Variants in TCEA3 observed in about 807,000 individuals in gnomAD.
The protein encoded by TCEA3 is transcription elongation factor A3.
Under a neutral mutation model 44.0 loss-of-function variants are expected in TCEA3, and 36 were observed. That is an observed-to-expected ratio of 0.82 (90% confidence interval 0.63 to 1.08). The LOEUF (loss-of-function observed/expected upper bound fraction) is 1.08. TCEA3 is among the 50% of genes least tolerant of loss of function. The pLI is 0.00. For missense variants in TCEA3, 392 were observed against 441.2 expected, an observed-to-expected ratio of 0.89 and a Z score of 1.00; for synonymous variants, 162 against 159.7, an observed-to-expected ratio of 1.01 and a Z score of -0.11.
chr1:23,416,163 C>A lies in TCEA3; in HGVS notation c.380+1086G>T, dbSNP rs539024441. On this transcript the variant is annotated intron_variant, in intron 4 of 10. Transcript: ENST00000450454. ...CTGGGATTACAGGCATGTGCCACCA[C>A]ACCCAGCTAATTTTGTATTTTTAGT... 2.0e-3 allele frequency among the ~76,000 whole-genome samples: 311 copies of A among 152,002 alleles called. 5 individuals are homozygous for A. The highest frequency in any genetic ancestry group is 7.3e-3 in the African/African-American group (304 of 41,458).
At chr1:23,388,645 C>G (rs1349251171) in intron 8 of TCEA3, among the ~76,000 whole-genome samples, 1 of 152,098 alleles carries the variant, frequency 6.6e-6, no homozygotes, top group Non-Finnish European at 1.5e-5. Context: ...ATCTGAATTG[C>G]TAAGGGCAGG....
intron 8 of TCEA3, among the ~76,000 whole-genome samples, chr1:23,389,846 C>T (rs1638968213): frequency 6.6e-6 from 1 of 152,066 alleles, no homozygotes; most frequent in Non-Finnish European, 1.5e-5. Flanking sequence ...TAACTGAACG[C>T]AGAGTTGGGA....
At chr1:23,411,284 G>T (rs971829634) in intron 4 of TCEA3, among the ~76,000 whole-genome samples, 18 of 152,168 alleles carry the variant, frequency 1.2e-4, no homozygotes, top group Non-Finnish European at 2.5e-4. Context: ...AGCCTCCCGA[G>T]TAGCTGGGAT....
chr1:23,402,444 G>T (rs1470355403), intron 5 of TCEA3, among the ~76,000 whole-genome samples: 1 of 152,122 alleles, frequency 6.6e-6, no homozygotes, highest in Non-Finnish European at 1.5e-5. Context: ...CATGCTCTCC[G>T]CATGGTTTAC....
intron 5 of TCEA3, among the ~76,000 whole-genome samples, chr1:23,406,653 T>G (rs79950750): frequency 0.019 from 2,821 of 152,268 alleles, 100 homozygotes; most frequent in African/African-American, 0.065. Context: ...GTGTTGTGTT[T>G]TGTTTTGTTT....
At chr1:23,417,655 T>C (rs1206634555) in intron 3 of TCEA3, among the ~76,000 whole-genome samples, 2 of 152,238 alleles carry the variant, frequency 1.3e-5, no homozygotes, top group African/African-American at 4.8e-5. Flanking sequence ...ATGTACTATA[T>C]AGACAAATGC....
intron 8 of TCEA3, among the ~76,000 whole-genome samples, chr1:23,390,337 C>A (rs1053113281): frequency 6.6e-6 from 1 of 152,110 alleles, no homozygotes; most frequent in East Asian, 1.9e-4. Context: ...GGCATGGTTA[C>A]ATGGTTACAG....
chr1:23,418,471 C>A (rs758287689), intron 2 of TCEA3, among the ~76,000 whole-genome samples: 6 of 152,134 alleles, frequency 3.9e-5, no homozygotes, highest in Non-Finnish European at 8.8e-5. Flanking sequence ...ATCATCGTGC[C>A]CAGCTAATTT....
chr1:23,418,552 T>C (rs574131619), intron 2 of TCEA3, among the ~76,000 whole-genome samples: 4 of 152,142 alleles, frequency 2.6e-5, no homozygotes, highest in Non-Finnish European at 5.9e-5. Flanking sequence ...CCTCAGGTGA[T>C]CTGCCTGCCT....
At chr1:23,410,052 T>C (rs755610609) in intron 4 of TCEA3, among the ~76,000 whole-genome samples, 4 of 152,022 alleles carry the variant, frequency 2.6e-5, no homozygotes, top group Non-Finnish European at 4.4e-5. Context: ...GAGGGAGTTC[T>C]TCCCCACAGC....
At chr1:23,419,688 T>C (rs1234409998) in intron 1 of TCEA3, among the ~76,000 whole-genome samples, 1 of 151,878 alleles carries the variant, frequency 6.6e-6, no homozygotes, top group Non-Finnish European at 1.5e-5. Context: ...ATACAAAAAT[T>C]AGCCAGGCGT....
intron 5 of TCEA3, among the ~76,000 whole-genome samples, chr1:23,399,144 G>GTATATATATATATATATATATATA (rs60424866): frequency 1.6e-5 from 1 of 61,162 alleles, no homozygotes; most frequent in Non-Finnish European, 3.1e-5. Context: ...ATGTATATAT[G>GTATATATATATATATATATATATA]TATATATATA....
chr1:23,383,137 G>A (rs535755633), intron 10 of TCEA3, among the ~76,000 whole-genome samples: 7 of 152,166 alleles, frequency 4.6e-5, no homozygotes, highest in Admixed American at 2.6e-4. Flanking sequence ...AAAATTAGCC[G>A]GGTGTGGTGG....
chr1:23,402,080 C>T (rs1639412365), intron 5 of TCEA3, among the ~76,000 whole-genome samples: 1 of 152,172 alleles, frequency 6.6e-6, no homozygotes, highest in Non-Finnish European at 1.5e-5. Flanking sequence ...GTGGCTCATG[C>T]CTAAAGTCCC....
chr1:23,424,560 C>T lies in TCEA3; in HGVS notation c.69+5G>A. ...GGGGCCGTGGCCCAAACTCTGCAGC[C>T]TCACCGTGTTCTTCCTGGCCACCAT... On this transcript the variant is annotated splice_donor_5th_base_variant and intron_variant, in intron 1 of 10. Coordinates refer to ENST00000450454, the MANE Select transcript of TCEA3 (RefSeq NM_003196.3). 1 of 1,606,936 alleles carries T rather than the reference C, an allele frequency of 6.2e-7. No homozygotes were observed. Among genetic ancestry groups the T allele is most frequent in the Non-Finnish European group, 8.5e-7 (1 of 1,178,730 alleles).
intron 8 of TCEA3, among the ~76,000 whole-genome samples, chr1:23,388,355 A>G (rs1455208618): frequency 6.6e-6 from 1 of 150,588 alleles, no homozygotes; most frequent in East Asian, 2.0e-4. Flanking sequence ...ATGCCACCAC[A>G]CCCAGCTAAT....
rs1165760727 is a variant in TCEA3 at position 23,381,325 on chromosome 1, A to C, written c.*141T>G. ...ATGACCGATTATTAATTTGCAAGAG[A>C]ATTCTTCCTCTAACTCATACCATCC... is the stretch of plus-strand genomic sequence containing the variant. On this transcript the variant is annotated 3_prime_UTR_variant, in exon 11 of 11. Coordinates refer to ENST00000450454, the MANE Select transcript of TCEA3 (RefSeq NM_003196.3). 2 of 679,134 alleles carry C rather than the reference A, an allele frequency of 2.9e-6. No homozygotes were observed. The highest frequency in any genetic ancestry group is 3.6e-5 in the African/African-American group (2 of 55,688). 42.1% of individuals were successfully genotyped at this position (679,134 alleles called of 1,614,324 possible).
intron 4 of TCEA3, among the ~76,000 whole-genome samples, chr1:23,413,051 G>T (rs1440196820): frequency 6.6e-6 from 1 of 152,040 alleles, no homozygotes; most frequent in African/African-American, 2.4e-5. Flanking sequence ...AAAGTGAGTG[G>T]GCATAACAAT....
intron 1 of TCEA3, chr1:23,419,415 C>G (rs564535964): frequency 2.9e-6 from 1 of 341,826 alleles, no homozygotes; most frequent in African/African-American, 2.1e-5. Context: ...TGCCCTCCCC[C>G]TTCCCCATCT....
Sources: gnomAD v4.1 joint callset for allele counts (sites outside exome capture counted in the v4.1 genomes callset) on GRCh38, gnomAD v4.1.1 for gene constraint, MANE v1.5 for transcripts, NCBI Gene and HGNC (gene_info 2026-07-23, HGNC 2026-07-21) for gene names.